Variants in PCDHGB2 observed in about 807,000 individuals in gnomAD.
PCDHGB2 encodes protocadherin gamma subfamily B, 2, also known as protocadherin gamma-B2.
Under a neutral mutation model 59.3 loss-of-function variants are expected in PCDHGB2, and 55 were observed. That is an observed-to-expected ratio of 0.93 (90% CI 0.75 to 1.16). The LOEUF is 1.16. Ranked by LOEUF, PCDHGB2 falls within the 50% of genes most tolerant of loss-of-function variation. PCDHGB2 has a pLI of 0.00. For missense variants in PCDHGB2, 1,228 were observed against 1,198.5 expected (o/e 1.02, Z -0.36); for synonymous variants, 516 against 512.0 (o/e 1.01, Z -0.11).
rs1472436870 is a variant in PCDHGB2, at chr5:141,365,479, A to G, written c.2421+2923A>G. On this transcript the variant is annotated intron_variant, in intron 1 of 3. Transcript: ENST00000522605. ...ATTCTGGAGAAAATGGTGAGATTGCATGCTCTATTCCTAGGAATTTGCCTT... is the reference window on the plus strand; with the variant it reads ...ATTCTGGAGAAAATGGTGAGATTGCGTGCTCTATTCCTAGGAATTTGCCTT... 5 of 1,613,906 alleles carry G rather than the reference A, an allele frequency of 3.1e-6. No individual in the cohort carries two copies. The East Asian group carries it at 8.9e-5, about 29-fold the overall frequency.
intron 1 of PCDHGB2, among the ~76,000 whole-genome samples, chr5:141,433,847 A>C (rs979302028): frequency 6.6e-6 from 1 of 151,976 alleles, no homozygotes; most frequent in South Asian, 2.1e-4. Context: ...CAAAAAAAAA[A>C]AAAAAAAACT....
chr5:141,433,651 C>T (rs905489069), intron 1 of PCDHGB2, among the ~76,000 whole-genome samples: 3 of 152,064 alleles, frequency 2.0e-5, no homozygotes, highest in Non-Finnish European at 2.9e-5. Context: ...GCCTGACCAA[C>T]ATGGAGAAAC....
At position 141,491,910 on chromosome 5, in the gene PCDHGB2, G is replaced by T. The variant is rs946745903; in HGVS notation, c.2422-2897G>T. On this transcript the variant is annotated intron_variant, in intron 1 of 3. Coordinates refer to ENST00000522605, the MANE Select transcript of PCDHGB2 (RefSeq NM_018923.3). This position sits in a 1 kb window ranked among gnomAD's most constrained non-coding sequence, Gnocchi z 6.9. ...GGCTCCGAGCACCGGGGGTGGTGGC[G>T]ACTGTGGGCGAGGGGAGGTGGGACC... 3.6e-6 allele frequency: 5 copies of T among 1,406,946 alleles called. No individual in the cohort carries two copies. Among genetic ancestry groups the T allele is most frequent in the Non-Finnish European group, 4.7e-6 (5 of 1,059,702 alleles). 87.2% of individuals were successfully genotyped at this position (1,406,946 alleles called of 1,614,324 possible).
chr5:141,364,966 C>T (rs1325168008), intron 1 of PCDHGB2: 1 of 1,613,938 alleles, frequency 6.2e-7, no homozygotes, highest in South Asian at 1.1e-5. Context: ...ACCTCCTCCT[C>T]ACAGCTTTAG....
At chr5:141,380,964 T>G (rs774157943) in intron 1 of PCDHGB2, among the ~76,000 whole-genome samples, 7 of 152,256 alleles carry the variant, frequency 4.6e-5, no homozygotes, top group Non-Finnish European at 1.0e-4. Flanking sequence ...TCAAAAGTAC[T>G]ATTAAACAAA....
At chr5:141,478,639 A>G (rs377308663) in intron 1 of PCDHGB2, 168 of 1,552,322 alleles carry the variant, frequency 1.1e-4, no homozygotes, top group Non-Finnish European at 1.0e-4. Context: ...TTAGTGATGA[A>G]GATGTTTTCC....
chr5:141,360,412 G>A lies in PCDHGB2; in HGVS notation c.277G>A (p.Glu93Lys). ...ACTTGTGAGTGACAGAATAGACCGA[G>A]AACAGATATGCGGGAAGCAGCCTCT... ...DLLVSDRIDR[E>K]QICGKQPLCV... Residue 93 changes from glutamate to lysine, a missense_variant, in exon 1 of 4, where the codon GAA (glutamate) becomes AAA (lysine). By Grantham distance (56) the Glu-to-Lys change is moderately conservative (BLOSUM62 1). This residue lies in a region of PCDHGB2 where 781 missense variants were observed against 721.6 expected (regional missense o/e 1.08). Transcript: ENST00000522605. 6.2e-7 allele frequency: 1 copy of A among 1,613,978 alleles called. No homozygotes were observed. Among genetic ancestry groups the A allele is most frequent in the Non-Finnish European group, 8.5e-7 (1 of 1,179,882 alleles).
chr5:141,409,997 G>T, intron 1 of PCDHGB2: 3 of 1,613,224 alleles, frequency 1.9e-6, no homozygotes, highest in Non-Finnish European at 2.5e-6. Flanking sequence ...CGCCGACTCG[G>T]GACACAACGC....
chr5:141,379,614 A>G (rs947547089), intron 1 of PCDHGB2: 1 of 152,204 alleles, frequency 6.6e-6, no homozygotes, highest in African/African-American at 2.4e-5. Context: ...TTTCATTTAA[A>G]CAAATAAAAT....
chr5:141,422,853 C>T (rs746989617), intron 1 of PCDHGB2: 8 of 1,614,264 alleles, frequency 5.0e-6, no homozygotes, highest in South Asian at 3.3e-5. Flanking sequence ...GGGACCCGCC[C>T]CTCAGCAGCA....
chr5:141,461,334 G>T (rs558562450), intron 1 of PCDHGB2, among the ~76,000 whole-genome samples: 75 of 152,166 alleles, frequency 4.9e-4, no homozygotes, highest in African/African-American at 1.7e-3. Flanking sequence ...GGCCATTCTT[G>T]CAGGACCAAG....
chr5:141,487,811 A>T lies in PCDHGB2; in HGVS notation c.2422-6996A>T, dbSNP rs1389081995. 2.1e-6 allele frequency: 3 copies of T among 1,414,662 alleles called. No homozygotes were observed. In the African/African-American group the frequency reaches 4.3e-5, roughly 20 times the overall value. 87.6% of individuals were successfully genotyped at this position (1,414,662 alleles called of 1,614,324 possible). A position where few individuals can be genotyped will look rare whatever the true frequency, so the allele number is the denominator to read the frequency against. ...TTAACCAGAGTTGTCACAGTTTAGCATTGGGGGCGGGTCATGCCTATATCT... is the reference window on the plus strand; with the variant it reads ...TTAACCAGAGTTGTCACAGTTTAGCTTTGGGGGCGGGTCATGCCTATATCT... On this transcript the variant is annotated intron_variant, in intron 1 of 3. Transcript: ENST00000522605. The surrounding 1 kb of genome is among the most constrained non-coding windows in gnomAD (Gnocchi z 5.0).
chr5:141,384,807 T>C, intron 1 of PCDHGB2: 1 of 1,613,400 alleles, frequency 6.2e-7, no homozygotes, highest in Non-Finnish European at 8.5e-7. Context: ...TGGACAGAGA[T>C]GCCCTCAAGC....
intron 1 of PCDHGB2, chr5:141,385,033 C>T (rs749144502): frequency 1.2e-6 from 2 of 1,614,182 alleles, no homozygotes; most frequent in East Asian, 2.2e-5. Context: ...CCTCGTACTG[C>T]TGGCGCTCAG....
chr5:141,371,219 C>T, intron 1 of PCDHGB2: 13 of 1,613,954 alleles, frequency 8.1e-6, no homozygotes, highest in Middle Eastern at 1.6e-4. Flanking sequence ...GCATCAATGC[C>T]GAAATCATCT....
chr5:141,496,916 T>C (rs1252437822), intron 2 of PCDHGB2, among the ~76,000 whole-genome samples: 4 of 148,274 alleles, frequency 2.7e-5, no homozygotes, highest in African/African-American at 9.9e-5. Context: ...CTGGGCACTG[T>C]GGTTCACGCC....
At chr5:141,404,861 G>A in intron 1 of PCDHGB2, 1 of 1,613,848 alleles carries the variant, frequency 6.2e-7, no homozygotes, top group Non-Finnish European at 8.5e-7. Context: ...AGATAGAGAT[G>A]CGCTCAAACA....
At chr5:141,404,186 C>G in intron 1 of PCDHGB2, 1 of 1,613,086 alleles carries the variant, frequency 6.2e-7, no homozygotes, top group Non-Finnish European at 8.5e-7. Flanking sequence ...AATTCTTGAC[C>G]GAGAAAAAGC....
chr5:141,372,493 C>G lies in PCDHGB2; in HGVS notation c.2421+9937C>G, dbSNP rs998007585. On this transcript the variant is annotated intron_variant, in intron 1 of 3. Transcript: ENST00000522605. ...CTAGTAGTGGCGTTGGCCTTGATCT[C>G]AGTGCTCTTCCTCCTCGCGGTGATT... is the stretch of plus-strand genomic sequence containing the variant. 5 of 1,614,058 alleles carry G rather than the reference C, an allele frequency of 3.1e-6. No individual in the cohort carries two copies. In the African/African-American group the frequency reaches 4.0e-5, roughly 13 times the overall value.
Sources: gnomAD v4.1 joint callset for allele counts (sites outside exome capture counted in the v4.1 genomes callset) on GRCh38, gnomAD v4.1.1 for gene constraint, gnomAD v4.1.1 regional missense constraint, Gnocchi (gnomAD v3.1) non-coding constraint, MANE v1.5 for transcripts, NCBI Gene and HGNC (gene_info 2026-07-23, HGNC 2026-07-21) for gene names.